WNT9A: variants seen among roughly 807,000 people sequenced by gnomAD.
The protein encoded by WNT9A is Wnt family member 9A.
WNT9A carries 8 observed loss-of-function variants against 31.4 expected under a neutral mutation model. That is an observed-to-expected ratio of 0.26 (90% CI 0.15 to 0.46). The LOEUF (loss-of-function observed/expected upper bound fraction) is 0.46, where lower values mean the gene tolerates loss of function less well. Among genes scored for constraint, WNT9A ranks in the 20% least tolerant of loss-of-function variants. The probability of loss-of-function intolerance (pLI) is 0.99; values close to 1 mark genes in which losing one functional copy is unlikely to be tolerated. For missense variants in WNT9A, 457 were observed against 522.9 expected (o/e 0.87, Z 1.23); for synonymous variants, 236 against 220.1 (o/e 1.07, Z -0.64).
chr1:227,935,331 T>C (rs1382368612), intron 1 of WNT9A, among the ~76,000 whole-genome samples: 1 of 151,992 alleles, frequency 6.6e-6, no homozygotes, highest in Non-Finnish European at 1.5e-5. Context: ...TTCACTATAG[T>C]GGGGACTGTG....
chr1:227,922,822 G>A (rs960285341), intron 3 of WNT9A, among the ~76,000 whole-genome samples: 8 of 152,198 alleles, frequency 5.3e-5, no homozygotes, highest in Admixed American at 1.3e-4. Context: ...CGAGCCAGGC[G>A]GCTCTGCTCC....
chr1:227,926,752 G>C lies in WNT9A; in HGVS notation c.96-1233C>G, dbSNP rs1246838144. Among the ~76,000 whole-genome samples, 4 of 151,944 alleles carry C rather than the reference G, an allele frequency of 2.6e-5. No individual in the cohort carries two copies. Among genetic ancestry groups the C allele is most frequent in the Non-Finnish European group, 5.9e-5 (4 of 68,004 alleles). On this transcript the variant is annotated intron_variant, in intron 1 of 3. Coordinates refer to ENST00000272164, the MANE Select transcript of WNT9A (RefSeq NM_003395.4). The surrounding 1 kb of genome is among the most constrained non-coding windows in gnomAD (Gnocchi z 5.0). Reference sequence around the variant, plus strand: ...AGAACGGCAGACTCAGGATGTGCTGGGAGCCACCGGGGTGCCAGCTTGGGA... The same window carrying C: ...AGAACGGCAGACTCAGGATGTGCTGCGAGCCACCGGGGTGCCAGCTTGGGA...
At chr1:227,947,470 C>T (rs747225936) in intron 1 of WNT9A, among the ~76,000 whole-genome samples, 17 of 152,146 alleles carry the variant, frequency 1.1e-4, no homozygotes, top group Non-Finnish European at 2.2e-4. Flanking sequence ...GGCAAGGACA[C>T]GGCGGCCCAA....
intron 1 of WNT9A, among the ~76,000 whole-genome samples, chr1:227,943,289 C>T (rs543702092): frequency 3.9e-5 from 6 of 152,334 alleles, no homozygotes; most frequent in African/African-American, 1.2e-4. Context: ...GTGTCGCTGG[C>T]TCCTTGTGCA....
chr1:227,946,911 G>A (rs1029349841), intron 1 of WNT9A, among the ~76,000 whole-genome samples: 14 of 152,176 alleles, frequency 9.2e-5, no homozygotes, highest in Non-Finnish European at 1.9e-4. Context: ...CCGAAGGCCA[G>A]CCAGGGCTCC....
At position 227,921,597 on chromosome 1, in the gene WNT9A, T is replaced by C. The variant is rs777735901; in HGVS notation, c.1019A>G (p.Gln340Arg). The C allele has an allele frequency of 8.1e-6, 13 of 1,613,406 alleles. No homozygotes were observed. The highest frequency in any genetic ancestry group is 1.1e-5 in the Non-Finnish European group (13 of 1,179,996). ...ATAGCAGCACCAACGCACCTGGCAC[T>C]GGCAGGGCCTTGTCACCACCCGGCT... ...TQSRVVTRPC[Q>R]CQVRWCCYVE... The change falls in exon 4 of 4, where the codon CAG becomes CGG. Residue 340 changes from glutamine to arginine, a missense_variant. Physicochemically the swap from Gln to Arg is conservative, Grantham distance 43. Transcript: ENST00000272164.
rs1210587057 is a variant in WNT9A, at chr1:227,921,368, AGGT to A, written c.*147_*149del. On this transcript the variant is annotated 3_prime_UTR_variant, in exon 4 of 4. Transcript: ENST00000272164. ...CTGAGCCCAGGGACTCAGCCCATGC[AGGT>A]GTAGACCCATTCACACTGTGTGCAA... The A allele has an allele frequency of 1.3e-3, 1,714 of 1,272,358 alleles. 23 individuals are homozygous for A. The African/African-American group carries it at 0.022, about 17-fold the overall frequency. The allele number at this position is 1,272,358 out of a possible 1,614,324, so 78.8% of individuals were successfully genotyped here. A position where few individuals can be genotyped will look rare whatever the true frequency, so the allele number is the denominator to read the frequency against.
intron 1 of WNT9A, among the ~76,000 whole-genome samples, chr1:227,929,395 G>A (rs1666471991): frequency 6.6e-6 from 1 of 152,246 alleles, no homozygotes; most frequent in Non-Finnish European, 1.5e-5. Flanking sequence ...ACATATCTAG[G>A]AAACTTTAAA....
At position 227,921,369 on chromosome 1, in the gene WNT9A, G is replaced by C; in HGVS notation, c.*149C>G. ...TGAGCCCAGGGACTCAGCCCATGCA[G>C]GTGTAGACCCATTCACACTGTGTGC... On this transcript the variant is annotated 3_prime_UTR_variant, in exon 4 of 4. Transcript: ENST00000272164. The C allele has an allele frequency of 7.7e-7, 1 of 1,296,202 alleles. No homozygotes were observed. The highest frequency in any genetic ancestry group is 1.5e-5 in the South Asian group (1 of 68,544). The allele number at this position is 1,296,202 out of a possible 1,614,324, so 80.3% of individuals were successfully genotyped here.
At chr1:227,930,746 C>T (rs1002767946) in intron 1 of WNT9A, among the ~76,000 whole-genome samples, 3 of 152,144 alleles carry the variant, frequency 2.0e-5, no homozygotes, top group Admixed American at 6.5e-5. Context: ...TGAGGCCAGG[C>T]GCAGTGGCTC....
In WNT9A at chr1:227,921,870, G is replaced by A. The variant is rs147468081; in HGVS notation, c.746C>T (p.Thr249Met). The change falls in exon 4 of 4, where the codon ACG (threonine) becomes ATG (methionine). Residue 249 changes from threonine to methionine, a missense_variant. Transcript: ENST00000272164. ...VGKHLKHKYE[T>M]ALKVGSTTNE... ...GGTGGTGCTGCCCACCTTGAGTGCC[G>A]TCTCATACTTGTGCTTCAGATGCTT... 2.2e-5 allele frequency: 35 copies of A among 1,613,026 alleles called. No individual in the cohort carries two copies. The highest frequency in any genetic ancestry group is 1.1e-4 in the African/African-American group (8 of 74,924).
chr1:227,921,478 G>T lies in WNT9A; in HGVS notation c.*40C>A. On this transcript the variant is annotated 3_prime_UTR_variant, in exon 4 of 4. Coordinates refer to ENST00000272164, the MANE Select transcript of WNT9A (RefSeq NM_003395.4). ...GTAGACCCTTCACACCGTGTGCAATGCCTGCACCCTGTGCAGCAGGGCTGG... is the reference window on the plus strand; with the variant it reads ...GTAGACCCTTCACACCGTGTGCAATTCCTGCACCCTGTGCAGCAGGGCTGG... 1 of 1,580,146 alleles carries T rather than the reference G, an allele frequency of 6.3e-7. No individual in the cohort carries two copies.
Position 227,921,183 on chromosome 1 carries a change from A to C in WNT9A, c.*335T>G. 1 of 308,116 alleles carries C rather than the reference A, an allele frequency of 3.2e-6. No individual in the cohort carries two copies. The highest frequency in any genetic ancestry group is 6.1e-6 in the Non-Finnish European group (1 of 163,924). The allele number at this position is 308,116 out of a possible 1,614,324, so 19.1% of individuals were successfully genotyped here. A position where few individuals can be genotyped will look rare whatever the true frequency, so the allele number is the denominator to read the frequency against. On this transcript the variant is annotated 3_prime_UTR_variant, in exon 4 of 4. Coordinates refer to ENST00000272164, the MANE Select transcript of WNT9A (RefSeq NM_003395.4). Reference sequence around the variant, plus strand: ...CCAGGGCCTCAGCCCTTGCAGGTGTACACTCCTCACACCGTGTGCAATGCC... The same window carrying C: ...CCAGGGCCTCAGCCCTTGCAGGTGTCCACTCCTCACACCGTGTGCAATGCC...
At chr1:227,930,197 C>T (rs1023142956) in intron 1 of WNT9A, among the ~76,000 whole-genome samples, 1 of 152,164 alleles carries the variant, frequency 6.6e-6, no homozygotes, top group African/African-American at 2.4e-5. Flanking sequence ...TGGCGTGTCA[C>T]GTGGTCCATG....
At chr1:227,944,141 G>A (rs985908448) in intron 1 of WNT9A, among the ~76,000 whole-genome samples, 7 of 152,144 alleles carry the variant, frequency 4.6e-5, no homozygotes, top group Non-Finnish European at 1.0e-4. Context: ...CCAGATGTCC[G>A]TCAACTGATG....
At chr1:227,922,031 G>A in intron 3 of WNT9A, 31 bp from the exon 4 acceptor site, 2 of 1,571,876 alleles carry the variant, frequency 1.3e-6, no homozygotes, top group Non-Finnish European at 1.7e-6. Flanking sequence ...GGAGGGCAGT[G>A]TGAGGGCTGT....
intron 1 of WNT9A, among the ~76,000 whole-genome samples, chr1:227,935,184 G>C (rs1221533119): frequency 6.6e-6 from 1 of 150,710 alleles, no homozygotes; most frequent in Non-Finnish European, 1.5e-5. Context: ...TGTGACCCCA[G>C]CCACAGCCTC....
At position 227,938,670 on chromosome 1, in the gene WNT9A, C is replaced by G. The variant is rs146414438; in HGVS notation, c.95+9123G>C. ...ACACACATACATGCACATACACATACATATACATGCATGTACACACATAAG... is the reference window on the plus strand; with the variant it reads ...ACACACATACATGCACATACACATAGATATACATGCATGTACACACATAAG... On this transcript the variant is annotated intron_variant, in intron 1 of 3. Coordinates refer to ENST00000272164, the MANE Select transcript of WNT9A (RefSeq NM_003395.4). 5.8e-3 allele frequency among the ~76,000 whole-genome samples: 883 copies of G among 152,268 alleles called. 12 individuals carry two copies. Among genetic ancestry groups the G allele is most frequent in the African/African-American group, 0.021 (852 of 41,546 alleles).
chr1:227,944,202 A>G (rs1435383055), intron 1 of WNT9A, among the ~76,000 whole-genome samples: 1 of 152,228 alleles, frequency 6.6e-6, no homozygotes, highest in Non-Finnish European at 1.5e-5. Context: ...TAACTCAGTC[A>G]TAAGAAAGAA....
Sources: allele counts gnomAD v4.1 joint callset (sites outside exome capture counted in the v4.1 genomes callset), GRCh38; gene constraint gnomAD v4.1.1; non-coding constraint Gnocchi (gnomAD v3.1); transcripts MANE v1.5; gene names NCBI Gene and HGNC (gene_info 2026-07-23, HGNC 2026-07-21).